The following ZNF43 variants were observed in gnomAD, a reference collection of about 807,000 sequenced individuals.
The protein encoded by ZNF43 is zinc finger protein 39-like 1 (KOX 27).
ZNF43 carries 44 observed loss-of-function variants against 68.4 expected under a neutral mutation model. The observed-to-expected ratio is 0.64, with a 90% CI of 0.51 to 0.83. The LOEUF (loss-of-function observed/expected upper bound fraction) is 0.83, where lower values mean the gene tolerates loss of function less well. ZNF43 is among the 40% of genes least tolerant of loss of function. ZNF43 has a pLI of 0.00. For synonymous variants in ZNF43, 308 were observed against 307.8 expected, an observed-to-expected ratio of 1.00 and a Z score of -0.01; for missense variants, 896 against 933.2, an observed-to-expected ratio of 0.96 and a Z score of 0.52.
At chr19:21,826,837 C>CAAAAAAAAAAAAAAAAAA (rs369753882) in intron 1 of ZNF43, 1 of 133,194 alleles carries the variant, frequency 7.5e-6, no homozygotes, top group South Asian at 2.4e-4. Flanking sequence ...TCTTTGTCTC[C>CAAAAAAAAAAAAAAAAAA]AAAAAAAAAA....
intron 1 of ZNF43, among the ~76,000 whole-genome samples, chr19:21,822,528 G>A (rs1005998275): frequency 2.0e-5 from 3 of 152,280 alleles, no homozygotes; most frequent in East Asian, 1.9e-4. Context: ...TTCCGTGGCC[G>A]GGCGCGGTGG....
chr19:21,809,300 G>T lies in ZNF43; in HGVS notation c.737C>A (p.Thr246Asn). Residue 246 changes from threonine to asparagine, a missense_variant, in exon 4 of 4, where the codon ACT becomes AAT. Coordinates refer to ENST00000354959, the MANE Select transcript of ZNF43 (RefSeq NM_003423.4). ...GKVFNWSSRL[T>N]THKKNYTRYK... ...TCTAGTATAATTTTTTTTATGTGTA[G>T]TAAGGCGTGAGGACCAATTAAAGAC... 6.2e-7 allele frequency: 1 copy of T among 1,613,398 alleles called. No homozygotes were observed.
chr19:21,827,345 A>C (rs998587810), intron 1 of ZNF43: 2 of 151,822 alleles, frequency 1.3e-5, no homozygotes, highest in African/African-American at 4.8e-5. Context: ...CAACACTGCT[A>C]ACTGAAGAGC....
In ZNF43 at chr19:21,809,788, G is replaced by T; in HGVS notation, c.249C>A (p.Thr83=). The change falls in exon 4 of 4, where the codon ACC becomes ACA. Residue 83 remains threonine (T), a synonymous_variant. Transcript: ENST00000354959. ...TATGCTGCTCTGGCCAAAAGTCTTG[G>T]GTAAAATGAGAACACATAACTGAAA... ...AKPPVMCSHF[T]QDFWPEQHIK... The T allele has an allele frequency of 1.3e-6, 2 of 1,545,030 alleles. No homozygotes were observed. The highest frequency in any genetic ancestry group is 1.7e-6 in the Non-Finnish European group (2 of 1,149,966).
At chr19:21,824,335 C>T (rs1355065830) in intron 1 of ZNF43, among the ~76,000 whole-genome samples, 1 of 152,148 alleles carries the variant, frequency 6.6e-6, no homozygotes, top group Non-Finnish European at 1.5e-5. Context: ...TAGCTCTGGA[C>T]ATTTTGTGGT....
chr19:21,818,391 G>A (rs1257885038), intron 2 of ZNF43, among the ~76,000 whole-genome samples: 1 of 151,350 alleles, frequency 6.6e-6, no homozygotes, highest in African/African-American at 2.4e-5. Context: ...ATGAGCCACC[G>A]TACCTGGCCC....
At chr19:21,823,969 G>A (rs1190726127) in intron 1 of ZNF43, among the ~76,000 whole-genome samples, 1 of 152,086 alleles carries the variant, frequency 6.6e-6, no homozygotes, top group Non-Finnish European at 1.5e-5. Context: ...TGGATCACGA[G>A]GTCAGATCAA....
chr19:21,824,117 C>T (rs2037990838), intron 1 of ZNF43, among the ~76,000 whole-genome samples: 1 of 152,058 alleles, frequency 6.6e-6, no homozygotes, highest in African/African-American at 2.4e-5. Flanking sequence ...ACCCGGGAGG[C>T]GGAGCTTGCA....
chr19:21,807,431 A>G lies in ZNF43; in HGVS notation c.*176T>C, dbSNP rs2036989762. 3 of 582,792 alleles carry G rather than the reference A, an allele frequency of 5.1e-6. No homozygotes were observed. The highest frequency in any genetic ancestry group is 8.4e-6 in the Non-Finnish European group (3 of 358,794). 36.1% of individuals were successfully genotyped at this position (582,792 alleles called of 1,614,324 possible). ...TTCTTTGTGTATATACCTTTTTCCA[A>G]GTAAAAATTCTTTCCTGTGCAATAA... On this transcript the variant is annotated 3_prime_UTR_variant, in exon 4 of 4. Coordinates refer to ENST00000354959, the MANE Select transcript of ZNF43 (RefSeq NM_003423.4).
intron 1 of ZNF43, among the ~76,000 whole-genome samples, chr19:21,847,422 C>A (rs1419844010): frequency 6.6e-6 from 1 of 152,086 alleles, no homozygotes; most frequent in East Asian, 1.9e-4. Flanking sequence ...ACTGGTCAGG[C>A]GCGGTGGCTC....
chr19:21,836,224 G>A, upstream of ZNF43: 1 of 1,436,186 alleles, frequency 7.0e-7, no homozygotes, highest in Non-Finnish European at 9.2e-7. Flanking sequence ...GTCCTCTCCT[G>A]CCCCGTGCCT....
intron 1 of ZNF43, among the ~76,000 whole-genome samples, chr19:21,830,441 A>G (rs2038370235): frequency 6.6e-6 from 1 of 151,918 alleles, no homozygotes; most frequent in South Asian, 2.1e-4. Context: ...GGCCATTAAC[A>G]CTGACCCAAC....
chr19:21,829,448 T>C (rs1390112993), intron 1 of ZNF43, among the ~76,000 whole-genome samples: 2 of 152,192 alleles, frequency 1.3e-5, no homozygotes, highest in Non-Finnish European at 2.9e-5. Flanking sequence ...ACTAAACTTC[T>C]GTGTGCTCTT....
chr19:21,835,672 T>C (rs1021259501), intron 1 of ZNF43, among the ~76,000 whole-genome samples: 2 of 152,084 alleles, frequency 1.3e-5, no homozygotes, highest in African/African-American at 4.8e-5. Context: ...CTGTTTCTAA[T>C]AGACCAAAAG....
At chr19:21,820,138 G>A (rs537148965) in intron 1 of ZNF43, among the ~76,000 whole-genome samples, 36 of 139,050 alleles carry the variant, frequency 2.6e-4, no homozygotes, top group African/African-American at 1.1e-3. Flanking sequence ...GGTGGAGGTT[G>A]CAGTGAGCTG....
chr19:21,843,795 AT>A (rs779255697), intron 1 of ZNF43, among the ~76,000 whole-genome samples: 100 of 152,314 alleles, frequency 6.6e-4, no homozygotes, highest in African/African-American at 1.8e-3. Context: ...AAATAAAAAA[AT>A]AAAACAGCCT....
In ZNF43 at chr19:21,809,395, AG is replaced by A; in HGVS notation, c.641del (p.Pro214LeufsTer65). 6.2e-7 allele frequency: 1 copy of A among 1,613,558 alleles called. No homozygotes were observed. Among genetic ancestry groups the A allele is most frequent in the African/African-American group, 1.3e-5 (1 of 74,986 alleles). ...CEKCGKAFNC[P>X]SIITKHKRIN... is the part of the protein sequence containing the mutation. Reference sequence around the variant, plus strand: ...TTCTCTTATGTTTAGTGATGATTGAAGGGCAGTTAAAAGCTTTTCCACATTT... The same window carrying A: ...TTCTCTTATGTTTAGTGATGATTGAAGGCAGTTAAAAGCTTTTCCACATTT... On this transcript the variant is annotated frameshift_variant, in exon 4 of 4. Coordinates refer to ENST00000354959, the MANE Select transcript of ZNF43 (RefSeq NM_003423.4). LOFTEE classifies it high-confidence loss of function.
Position 21,807,278 on chromosome 19 carries a change from T to A in ZNF43, c.*329A>T, listed in dbSNP as rs2036983911. On this transcript the variant is annotated 3_prime_UTR_variant, in exon 4 of 4. Coordinates refer to ENST00000354959, the MANE Select transcript of ZNF43 (RefSeq NM_003423.4). ...ATGTTTGTCTTCAGAATGAATTATC[T>A]TCTTCACTTTAAAGGCTTTTATTTT... 5.5e-6 allele frequency: 1 copy of A among 180,584 alleles called. No individual in the cohort carries two copies. The allele number at this position is 180,584 out of a possible 1,614,324, so 11.2% of individuals were successfully genotyped here.
Position 21,807,866 on chromosome 19 carries a change from T to C in ZNF43, c.2171A>G (p.His724Arg), listed in dbSNP as rs763246880. The C allele has an allele frequency of 3.1e-6, 5 of 1,613,352 alleles. No individual in the cohort carries two copies. Among genetic ancestry groups the C allele is most frequent in the Non-Finnish European group, 4.2e-6 (5 of 1,179,758 alleles). Residue 724 changes from histidine to arginine, a missense_variant, in exon 4 of 4, where the codon CAT (histidine) becomes CGT (arginine). By Grantham distance (29) the His-to-Arg change is conservative. Coordinates refer to ENST00000354959, the MANE Select transcript of ZNF43 (RefSeq NM_003423.4). ...AFNRSSNLIE[H>R]KKIHTGEQPY... Reference sequence around the variant, plus strand: ...TTGCTCTCCAGTATGAATTTTCTTATGTTCAATAAGGTTTGAGGATCGGTT... The same window carrying C: ...TTGCTCTCCAGTATGAATTTTCTTACGTTCAATAAGGTTTGAGGATCGGTT...
Sources: allele counts gnomAD v4.1 joint callset (sites outside exome capture counted in the v4.1 genomes callset), GRCh38; gene constraint gnomAD v4.1.1; transcripts MANE v1.5; gene names NCBI Gene and HGNC (gene_info 2026-07-23, HGNC 2026-07-21).